The following TLE4 variants were observed in gnomAD, a reference collection of about 807,000 sequenced individuals.
TLE4 encodes transducin-like enhancer protein 4.
Under a neutral mutation model 92.8 loss-of-function variants are expected in TLE4, and 8 were observed. That is an observed-to-expected ratio of 0.09 (90% CI 0.05 to 0.16). The LOEUF is 0.16. Ranked by LOEUF, TLE4 falls within the 10% of genes least tolerant of loss-of-function variation. The probability of loss-of-function intolerance (pLI) is 1.00; values close to 1 mark genes in which losing one functional copy is unlikely to be tolerated. For synonymous variants in TLE4, 371 were observed against 374.1 expected (o/e 0.99, Z 0.10); for missense variants, 675 against 997.6 (o/e 0.68, Z 4.36).
chr9:79,658,793 G>A (rs760442358), intron 8 of TLE4, among the ~76,000 whole-genome samples: 7 of 152,120 alleles, frequency 4.6e-5, no homozygotes, highest in African/African-American at 7.2e-5. Flanking sequence ...AAAGGCAAAG[G>A]CATAAAATAA....
chr9:79,690,685 T>C (rs960794235), intron 8 of TLE4, among the ~76,000 whole-genome samples: 10 of 150,628 alleles, frequency 6.6e-5, no homozygotes, highest in African/African-American at 2.4e-4. Context: ...AGTGGCACCA[T>C]CTCTGCTCAC....
At position 79,726,293 on chromosome 9, in the gene TLE4, T is replaced by C. The variant is rs182190817; in HGVS notation, c.*1149T>C. 5.5e-5 allele frequency: 8 copies of C among 145,008 alleles called. No homozygotes were observed. Among genetic ancestry groups the C allele is most frequent in the African/African-American group, 2.3e-4 (8 of 34,322 alleles). The allele number at this position is 145,008 out of a possible 1,614,324, so 9.0% of individuals were successfully genotyped here. A position where few individuals can be genotyped will look rare whatever the true frequency, so the allele number is the denominator to read the frequency against. On this transcript the variant is annotated 3_prime_UTR_variant, in exon 20 of 20. Transcript: ENST00000376552. ...AGAAACATTGTGTTATCTTTTATGT[T>C]GTTGTTGTTGCTGTTAAACTATAAT...
intron 8 of TLE4, among the ~76,000 whole-genome samples, chr9:79,697,039 A>G (rs1238525020): frequency 6.6e-6 from 1 of 152,220 alleles, no homozygotes; most frequent in Non-Finnish European, 1.5e-5. Flanking sequence ...TATGTTTTAC[A>G]GGTCATATAC....
At chr9:79,709,512 C>G in intron 13 of TLE4, 111 bp from the exon 14 acceptor site, 1 of 870,828 alleles carries the variant, frequency 1.1e-6, no homozygotes, top group Non-Finnish European at 1.8e-6. Context: ...TCTCTAAAAC[C>G]TTATTTTTAA....
At chr9:79,709,788 T>TG in intron 14 of TLE4, 89 bp downstream of exon 14, 1 of 1,051,158 alleles carries the variant, frequency 9.5e-7, no homozygotes, top group South Asian at 1.5e-5. Context: ...TAGACAGTGT[T>TG]GGGGGAGTTC....
At chr9:79,577,612 T>G (rs947260277) in intron 4 of TLE4, among the ~76,000 whole-genome samples, 1 of 152,214 alleles carries the variant, frequency 6.6e-6, no homozygotes, top group African/African-American at 2.4e-5. Context: ...ACATGAGAGA[T>G]ATTGTTTGTT....
chr9:79,722,370 T>C (rs1233492882), intron 17 of TLE4, 81 bp from the exon 18 acceptor site: 1 of 1,463,294 alleles, frequency 6.8e-7, no homozygotes, highest in Non-Finnish European at 9.2e-7. Flanking sequence ...TTAAGTAGTA[T>C]CTACAGAAGA....
chr9:79,589,617 C>T (rs1464629146), intron 4 of TLE4, among the ~76,000 whole-genome samples: 1 of 151,984 alleles, frequency 6.6e-6, no homozygotes, highest in African/African-American at 2.4e-5. Flanking sequence ...AGTCCTGTCC[C>T]CCATCGAAGT....
intron 5 of TLE4, among the ~76,000 whole-genome samples, chr9:79,626,251 C>T (rs182437629): frequency 6.6e-6 from 1 of 152,280 alleles, no homozygotes; most frequent in Non-Finnish European, 1.5e-5. Context: ...AGGTGGTTCA[C>T]GGAGAATTCC....
chr9:79,602,740 A>T (rs966569404), intron 4 of TLE4, among the ~76,000 whole-genome samples: 1 of 152,210 alleles, frequency 6.6e-6, no homozygotes, highest in Admixed American at 6.5e-5. Context: ...CCCGTGGATC[A>T]AGGAGTAATT....
intron 8 of TLE4, among the ~76,000 whole-genome samples, chr9:79,669,583 G>C (rs866030624): frequency 1.3e-5 from 2 of 152,068 alleles, no homozygotes; most frequent in Admixed American, 6.6e-5. Flanking sequence ...TGTTTTGTTG[G>C]TATTATTTCA....
chr9:79,606,989 A>G (rs1296711978), intron 4 of TLE4, among the ~76,000 whole-genome samples: 1 of 151,998 alleles, frequency 6.6e-6, no homozygotes, highest in Non-Finnish European at 1.5e-5. Flanking sequence ...TTACACTCCC[A>G]CACAGTGTAA....
At chr9:79,663,405 C>T (rs2060866704) in intron 8 of TLE4, 1 of 152,180 alleles carries the variant, frequency 6.6e-6, no homozygotes, top group African/African-American at 2.4e-5. Flanking sequence ...CATATCGAGT[C>T]CTTAGTAGCC....
Position 79,578,508 on chromosome 9 carries a change from A to G in TLE4, c.252+2331A>G, listed in dbSNP as rs538903726. ...CAGTCATGGCTCTGTGACTTAGCAA[A>G]CTGATAAAAAGATAAAAGTATGAAG... On this transcript the variant is annotated intron_variant, in intron 4 of 19. Transcript: ENST00000376552. Among the ~76,000 whole-genome samples the G allele has an allele frequency of 1.4e-3, 218 of 152,338 alleles. 1 individual carries two copies. Among genetic ancestry groups the G allele is most frequent in the African/African-American group, 4.9e-3 (202 of 41,586 alleles).
intron 8 of TLE4, among the ~76,000 whole-genome samples, chr9:79,684,111 A>G (rs2065285684): frequency 6.6e-6 from 1 of 152,214 alleles, no homozygotes. Context: ...CATATCCTCA[A>G]TTAAATGGTT....
chr9:79,684,078 A>G (rs974440173), intron 8 of TLE4, among the ~76,000 whole-genome samples: 1 of 152,214 alleles, frequency 6.6e-6, no homozygotes, highest in Non-Finnish European at 1.5e-5. Flanking sequence ...TAAAAATGAG[A>G]AGGAGTATTT....
At chr9:79,627,262 C>T (rs2052857201) in intron 5 of TLE4, 112 bp from the exon 6 acceptor site, 1 of 1,045,888 alleles carries the variant, frequency 9.6e-7, no homozygotes, top group Non-Finnish European at 1.5e-6. Flanking sequence ...ACCTGGAGAT[C>T]CCCCAAATGC....
In TLE4 at chr9:79,607,654, G is replaced by C. The variant is rs1038700251; in HGVS notation, c.253-5002G>C. ...AATCCTTTCCCCATTGCTTGTTTTTGTCAGGTTTGTCAAAGGTCAGATGGT... is the reference window on the plus strand; with the variant it reads ...AATCCTTTCCCCATTGCTTGTTTTTCTCAGGTTTGTCAAAGGTCAGATGGT... On this transcript the variant is annotated intron_variant, in intron 4 of 19. Transcript: ENST00000376552. 1.9e-3 allele frequency among the ~76,000 whole-genome samples: 291 copies of C among 152,028 alleles called. 7 individuals are homozygous for C. The highest frequency in any genetic ancestry group is 2.6e-3 in the Non-Finnish European group (174 of 68,002).
rs1396696497 is a variant in TLE4 at position 79,577,996 on chromosome 9, T to G, written c.252+1819T>G. Among the ~76,000 whole-genome samples the G allele has an allele frequency of 2.6e-5, 4 of 152,216 alleles. No homozygotes were observed. In the East Asian group the frequency reaches 7.7e-4, roughly 29 times the overall value. On this transcript the variant is annotated intron_variant, in intron 4 of 19. Coordinates refer to ENST00000376552, the MANE Select transcript of TLE4 (RefSeq NM_007005.6). ...TACATTTTCCCTTTTTTTCGTTTCC[T>G]TTTAAATTCAATCATATCAAGAATC...
Sources: allele counts gnomAD v4.1 joint callset (sites outside exome capture counted in the v4.1 genomes callset), GRCh38; gene constraint gnomAD v4.1.1; transcripts MANE v1.5; gene names NCBI Gene and HGNC (gene_info 2026-07-23, HGNC 2026-07-21).